The following TSPAN33 variants were observed in gnomAD, a reference collection of about 807,000 sequenced individuals.
TSPAN33 encodes the protein tetraspanin-33.
A neutral mutation model predicts 34.8 loss-of-function variants in TSPAN33; 27 were observed. The ratio of observed to expected loss-of-function variants is 0.78; its 90% CI spans 0.57 to 1.07. TSPAN33 has a LOEUF of 1.07. TSPAN33 is among the 50% of genes least tolerant of loss of function. The pLI is 0.00. For missense variants in TSPAN33, 272 were observed against 324.9 expected, an observed-to-expected ratio of 0.84 and a Z score of 1.25; for synonymous variants, 119 against 124.2, an observed-to-expected ratio of 0.96 and a Z score of 0.28.
chr7:129,167,508 A>G lies in TSPAN33; in HGVS notation c.698A>G (p.His233Arg). 1 of 1,614,224 alleles carries G rather than the reference A, an allele frequency of 6.2e-7. No individual in the cohort carries two copies. ...ATTGACAAGTTGGTCAACTGGATAC[A>G]CAGCAACCTATTCTTACTTGGTGGT... ...GCIDKLVNWI[H>R]SNLFLLGGVA... Residue 233 changes from histidine (H) to arginine (R), a missense_variant, in exon 7 of 8, where the codon CAC (histidine) becomes CGC (arginine). Transcript: ENST00000486685. The surrounding 1 kb of genome is among the most constrained non-coding windows in gnomAD (Gnocchi z 4.6).
At chr7:129,153,065 AAAAAAAAAAAAAAAAAAG>A (rs1262480483) in intron 1 of TSPAN33, among the ~76,000 whole-genome samples, 1 of 99,528 alleles carries the variant, frequency 1.0e-5, no homozygotes, top group African/African-American at 3.9e-5. Flanking sequence ...GTCTCAAAAA[AAAAAAAAAAAAAAAAAAG>A]AAAAAGAAAA....
In TSPAN33 at chr7:129,167,931, A is replaced by C. The variant is rs548849073; in HGVS notation, c.*57A>C. 1 of 1,592,746 alleles carries C rather than the reference A, an allele frequency of 6.3e-7. No individual in the cohort carries two copies. Among genetic ancestry groups the C allele is most frequent in the South Asian group, 1.1e-5 (1 of 88,166 alleles). On this transcript the variant is annotated 3_prime_UTR_variant, in exon 8 of 8. Transcript: ENST00000486685. The surrounding 1 kb of genome is among the most constrained non-coding windows in gnomAD (Gnocchi z 4.6). ...CTGGCAAGCCTCATAAACGAACAGC[A>C]GTGGGTGCTGAAAGCAGCACCAAAT...
At chr7:129,151,194 A>C (rs1159843762) in intron 1 of TSPAN33, among the ~76,000 whole-genome samples, 1 of 152,100 alleles carries the variant, frequency 6.6e-6, no homozygotes, top group Non-Finnish European at 1.5e-5. Flanking sequence ...TGATGGGATC[A>C]CAGCTCACTG....
intron 1 of TSPAN33, among the ~76,000 whole-genome samples, chr7:129,159,576 C>T (rs1006546999): frequency 5.9e-5 from 9 of 152,178 alleles, no homozygotes; most frequent in African/African-American, 2.2e-4. Flanking sequence ...ACACATTTTT[C>T]AATAGTTCAG....
intron 5 of TSPAN33, among the ~76,000 whole-genome samples, chr7:129,166,130 G>A (rs1179896824): frequency 6.6e-6 from 1 of 152,006 alleles, no homozygotes; most frequent in African/African-American, 2.4e-5. Context: ...AGTAAAGATG[G>A]GGTTTTGCAA....
chr7:129,166,725 C>T (rs1793146048), intron 5 of TSPAN33, 53 bp from the exon 6 acceptor site: 1 of 1,598,704 alleles, frequency 6.3e-7, no homozygotes, highest in South Asian at 1.1e-5. Flanking sequence ...TTCCCCTGGT[C>T]ACCTCAGTGT....
At position 129,167,357 on chromosome 7, in the gene TSPAN33, T is replaced by C; in HGVS notation, c.589-42T>C. 6.3e-7 allele frequency: 1 copy of C among 1,583,224 alleles called. No individual in the cohort carries two copies. ...AGCTAAGGCCCCAAACAAAAAGTTA[T>C]TGGAATTACAGTCCCAATTGGCTTT... On this transcript the variant is annotated intron_variant, in intron 6 of 7. Transcript: ENST00000486685. The surrounding 1 kb of genome is among the most constrained non-coding windows in gnomAD (Gnocchi z 4.6).
At chr7:129,160,289 G>A (rs1046835540) in intron 1 of TSPAN33, among the ~76,000 whole-genome samples, 16 of 152,126 alleles carry the variant, frequency 1.1e-4, no homozygotes, top group Admixed American at 2.0e-4. Context: ...GCTGCTTTCC[G>A]TCTTGCAGGA....
chr7:129,163,649 G>C (rs1261015878), intron 4 of TSPAN33, among the ~76,000 whole-genome samples: 2 of 152,206 alleles, frequency 1.3e-5, no homozygotes, highest in Admixed American at 1.3e-4. Context: ...AGTGGGGCAG[G>C]AAGGAAGAGA....
At chr7:129,147,231 T>C (rs941968853) in intron 1 of TSPAN33, among the ~76,000 whole-genome samples, 1 of 152,210 alleles carries the variant, frequency 6.6e-6, no homozygotes, top group African/African-American at 2.4e-5. Flanking sequence ...CAACTTACTG[T>C]GTGACCCTAA....
chr7:129,166,738 G>C (rs758243046), intron 5 of TSPAN33, 40 bp from the exon 6 acceptor site: 3 of 1,610,278 alleles, frequency 1.9e-6, no homozygotes, highest in Admixed American at 1.7e-5. Flanking sequence ...CTCAGTGTGA[G>C]GGGTGGGTGA....
chr7:129,167,600 G>A lies in TSPAN33; in HGVS notation c.750+40G>A, dbSNP rs766476666. Reference sequence around the variant, plus strand: ...GAGACTTGTTGGTCCCACACACTCTGTAAAGACTCCTTTGTTTTGGGGAAG... The same window carrying A: ...GAGACTTGTTGGTCCCACACACTCTATAAAGACTCCTTTGTTTTGGGGAAG... On this transcript the variant is annotated intron_variant, in intron 7 of 7. Transcript: ENST00000486685. The surrounding 1 kb of genome is among the most constrained non-coding windows in gnomAD (Gnocchi z 4.6). The A allele has an allele frequency of 6.2e-7, 1 of 1,602,940 alleles. No homozygotes were observed. The highest frequency in any genetic ancestry group is 1.1e-5 in the South Asian group (1 of 89,938).
At chr7:129,149,703 C>T (rs1810567508) in intron 1 of TSPAN33, among the ~76,000 whole-genome samples, 1 of 152,174 alleles carries the variant, frequency 6.6e-6, no homozygotes, top group Admixed American at 6.5e-5. Flanking sequence ...CTTGGAAGAA[C>T]AAAGCCAGCC....
At chr7:129,156,670 C>T (rs1290622364) in intron 1 of TSPAN33, among the ~76,000 whole-genome samples, 2 of 152,000 alleles carry the variant, frequency 1.3e-5, no homozygotes, top group African/African-American at 2.4e-5. Flanking sequence ...CTTCTGTGTC[C>T]CTTTGGGATG....
chr7:129,146,215 G>A (rs1223162320), intron 1 of TSPAN33, among the ~76,000 whole-genome samples: 3 of 152,112 alleles, frequency 2.0e-5, no homozygotes, highest in African/African-American at 4.8e-5. Context: ...TGCTGGAAAG[G>A]TTTCACAGGG....
At position 129,145,163 on chromosome 7, in the gene TSPAN33, G is replaced by A. The variant is rs530383478; in HGVS notation, c.102+81G>A. 6.3e-4 allele frequency: 345 copies of A among 550,772 alleles called. 2 individuals are homozygous for A. Among genetic ancestry groups the A allele is most frequent in the African/African-American group, 6.2e-3 (310 of 50,312 alleles). 34.1% of individuals were successfully genotyped at this position (550,772 alleles called of 1,614,324 possible). The stretch of plus-strand genomic sequence containing the variant: ...GGTGGCCCGGGGTGCCCCACGCGCG[G>A]GAGCCGCACTGCCGAGTTTTCTGGG... On this transcript the variant is annotated intron_variant, in intron 1 of 7. Transcript: ENST00000486685.
intron 5 of TSPAN33, chr7:129,166,487 CAAG>C (rs1563139522): frequency 3.4e-5 from 8 of 236,122 alleles, no homozygotes; most frequent in Non-Finnish European, 6.5e-5. Context: ...AAACTTCTCT[CAAG>C]AAGATTATAG....
At chr7:129,164,131 G>A (rs1020399965) in intron 4 of TSPAN33, among the ~76,000 whole-genome samples, 2 of 152,188 alleles carry the variant, frequency 1.3e-5, no homozygotes, top group African/African-American at 4.8e-5. Flanking sequence ...CCTCAGCTCA[G>A]TAAGCTACTT....
chr7:129,147,108 A>T (rs967137137), intron 1 of TSPAN33, among the ~76,000 whole-genome samples: 1 of 152,078 alleles, frequency 6.6e-6, no homozygotes, highest in African/African-American at 2.4e-5. Flanking sequence ...CCAAGCTAGC[A>T]CCACCCCAAA....
Sources: allele counts gnomAD v4.1 joint callset (sites outside exome capture counted in the v4.1 genomes callset), GRCh38; gene constraint gnomAD v4.1.1; non-coding constraint Gnocchi (gnomAD v3.1); transcripts MANE v1.5; gene names NCBI Gene and HGNC (gene_info 2026-07-23, HGNC 2026-07-21).